The following ANK2 variants were observed in gnomAD, a reference collection of about 807,000 sequenced individuals.
ANK2 encodes the protein ankyrin 2, also known as ankyrin-2.
A neutral mutation model predicts 360.5 loss-of-function variants in ANK2; 83 were observed. That is an observed-to-expected ratio of 0.23 (90% CI 0.19 to 0.28). The LOEUF (loss-of-function observed/expected upper bound fraction) is 0.28. Ranked by LOEUF, ANK2 falls within the 10% of genes least tolerant of loss-of-function variation. The probability of loss-of-function intolerance (pLI) is 1.00; values close to 1 mark genes in which losing one functional copy is unlikely to be tolerated. For synonymous variants in ANK2, 1,740 were observed against 1,759.5 expected (o/e 0.99, Z 0.28); for missense variants, 4,201 against 4,795.7 (o/e 0.88, Z 3.66).
At chr4:112,790,367 A>G in the ANK2 span, among the ~76,000 whole-genome samples, 2 of 152,190 alleles carry the variant, frequency 1.3e-5, no homozygotes, top group Non-Finnish European at 2.9e-5. Context: ...GCTCCAACCA[A>G]TTAATCCTGA....
At chr4:113,250,764 C>CCCCG (rs1040363295) in intron 10 of ANK2, among the ~76,000 whole-genome samples, 1 of 139,712 alleles carries the variant, frequency 7.2e-6, no homozygotes, top group African/African-American at 2.6e-5. Context: ...CGCCCCCCCC[C>CCCCG]CCGACAGAGT....
At chr4:113,066,231 T>C (rs1256544174) in intron 1 of ANK2, among the ~76,000 whole-genome samples, 1 of 152,156 alleles carries the variant, frequency 6.6e-6, no homozygotes, top group Non-Finnish European at 1.5e-5. Flanking sequence ...GAGCGTGCTC[T>C]TAGGCCTCTT....
At chr4:113,108,651 T>G (rs986380370) in intron 1 of ANK2, among the ~76,000 whole-genome samples, 2 of 152,176 alleles carry the variant, frequency 1.3e-5, no homozygotes, top group Admixed American at 1.3e-4. Context: ...GCTTCTACTC[T>G]GTTTTTCAAG....
intron 2 of ANK2, among the ~76,000 whole-genome samples, chr4:112,976,056 A>G (rs2041289173): frequency 6.6e-6 from 1 of 151,648 alleles, no homozygotes. Context: ...TTTTCATTTT[A>G]TGTCGTTTTT....
chr4:112,904,360 A>C, intron 1 of ANK2: 28 of 670,586 alleles, frequency 4.2e-5, no homozygotes, highest in Non-Finnish European at 4.5e-5. Flanking sequence ...AGTGCCTCCT[A>C]TAAGCTTATT....
the ANK2 span, chr4:112,788,247 C>T: frequency 6.3e-7 from 1 of 1,590,262 alleles, no homozygotes. Context: ...GCCAAAGCGC[C>T]TTTGTCTTCC....
At chr4:113,263,194 A>AAG (rs2054021225) in intron 13 of ANK2, among the ~76,000 whole-genome samples, 3 of 151,066 alleles carry the variant, frequency 2.0e-5, no homozygotes, top group Middle Eastern at 6.9e-3. Flanking sequence ...TCTGAAAAAA[A>AAG]AAAAAAAAAA....
rs29424 is a variant in ANK2, at chr4:113,257,456, T to C, written c.1189-594T>C. Among the ~76,000 whole-genome samples, 505 of 152,326 alleles carry C rather than the reference T, an allele frequency of 3.3e-3. 17 individuals carry two copies. In the East Asian group the frequency reaches 0.067, roughly 20 times the overall value. On this transcript the variant is annotated intron_variant, in intron 11 of 45. Transcript: ENST00000357077. ...AGTCATTTCTTTATACAATAAAATT[T>C]ATCTCATTGGCATATATGTTATAAA...
intron 1 of ANK2, among the ~76,000 whole-genome samples, chr4:113,137,277 C>G (rs1261805792): frequency 6.6e-6 from 1 of 152,166 alleles, no homozygotes; most frequent in East Asian, 1.9e-4. Context: ...GAGACAGTTA[C>G]AGTAATTCAG....
intron 3 of ANK2, among the ~76,000 whole-genome samples, chr4:113,196,803 CA>C (rs1380298056): frequency 1.3e-5 from 2 of 152,170 alleles, no homozygotes; most frequent in Non-Finnish European, 2.9e-5. Context: ...AGGCGTGAAC[CA>C]CCACACCTCA....
intron 18 of ANK2, among the ~76,000 whole-genome samples, chr4:113,286,856 C>T (rs2064876746): frequency 6.6e-6 from 1 of 152,178 alleles, no homozygotes; most frequent in Non-Finnish European, 1.5e-5. Flanking sequence ...ACATATGAAA[C>T]ATACTCAAGA....
At position 113,367,641 on chromosome 4, in the gene ANK2, G is replaced by A. The variant is rs1405287423; in HGVS notation, c.11108G>A (p.Ser3703Asn). The A allele has an allele frequency of 6.2e-7, 1 of 1,613,658 alleles. No individual in the cohort carries two copies. The highest frequency in any genetic ancestry group is 1.3e-5 in the African/African-American group (1 of 74,794). ...GAGGAGCAAGCTGTTTCTAAAGAAA[G>A]TGAGACCTGCGATCACCCTCCTATC... The part of the protein sequence containing the change: ...QKEEQAVSKE[S>N]ETCDHPPIVS... The change falls in exon 42 of 46, where the codon AGT (serine) becomes AAT (asparagine). Residue 3703 changes from serine to asparagine, a missense_variant. Physicochemically the swap from Ser to Asn is conservative, Grantham distance 46. This residue lies in a region of ANK2 where 2,642 missense variants were observed against 2,714.5 expected (regional missense o/e 0.97). Coordinates refer to ENST00000357077, the MANE Select transcript of ANK2 (RefSeq NM_001148.6).
At chr4:112,788,263 C>T in the ANK2 span, 1 of 1,586,598 alleles carries the variant, frequency 6.3e-7, no homozygotes, top group Middle Eastern at 2.3e-4. Flanking sequence ...CTTCCGAGTT[C>T]ACCTGTGTGA....
At chr4:112,838,051 C>A (rs935932750) in intron 1 of ANK2, among the ~76,000 whole-genome samples, 2 of 152,160 alleles carry the variant, frequency 1.3e-5, no homozygotes, top group Non-Finnish European at 2.9e-5. Flanking sequence ...TCTGTGTCCC[C>A]ACCCAAATCT....
At chr4:113,307,424 T>G (rs2077734210) in intron 23 of ANK2, among the ~76,000 whole-genome samples, 1 of 148,512 alleles carries the variant, frequency 6.7e-6, no homozygotes, top group Non-Finnish European at 1.5e-5. Context: ...TTTTTTTTTT[T>G]TTTTTTTTTG....
chr4:113,048,876 A>G (rs1396520717), upstream of ANK2, among the ~76,000 whole-genome samples: 1 of 150,994 alleles, frequency 6.6e-6, no homozygotes, highest in African/African-American at 2.4e-5. Flanking sequence ...TGTGCCATGG[A>G]TTATGCTTGG....
At chr4:113,194,149 T>C (rs1224980710) in intron 2 of ANK2, among the ~76,000 whole-genome samples, 1 of 152,200 alleles carries the variant, frequency 6.6e-6, no homozygotes, top group East Asian at 1.9e-4. Context: ...ACTTAGTGGG[T>C]ACCTAGCAAA....
At position 113,339,485 on chromosome 4, in the gene ANK2, G is replaced by A. The variant is rs2272229; in HGVS notation, c.3893+163G>A. On this transcript the variant is annotated intron_variant, in intron 32 of 45. Coordinates refer to ENST00000357077, the MANE Select transcript of ANK2 (RefSeq NM_001148.6). ...TATTTTAAACTAGATCTGTCAGCAA[G>A]TGGAATAGTGATAATACAGTAACAA... is the stretch of plus-strand genomic sequence containing the variant. 0.25 allele frequency among the ~76,000 whole-genome samples: 38,376 copies of A among 152,118 alleles called. 9,070 individuals carry two copies. Among genetic ancestry groups the A allele is most frequent in the African/African-American group, 0.63 (26,120 of 41,444 alleles).
chr4:112,743,051 ATCT>A, the ANK2 span, among the ~76,000 whole-genome samples: 1 of 152,206 alleles, frequency 6.6e-6, no homozygotes. Context: ...TGGAATTTTA[ATCT>A]TCTTCAGACT....
Sources: allele counts gnomAD v4.1 joint callset (sites outside exome capture counted in the v4.1 genomes callset), GRCh38; gene constraint gnomAD v4.1.1; regional missense constraint gnomAD v4.1.1; transcripts MANE v1.5; gene names NCBI Gene and HGNC (gene_info 2026-07-23, HGNC 2026-07-21).